Variants in PPM1A observed in about 807,000 individuals in gnomAD.
The protein encoded by PPM1A is protein phosphatase, Mg2+/Mn2+ dependent 1A.
A neutral mutation model predicts 35.0 loss-of-function variants in PPM1A; 7 were observed. The observed-to-expected ratio is 0.20, with a 90% CI of 0.11 to 0.38. PPM1A has a LOEUF of 0.38. Ranked by LOEUF, PPM1A falls within the 10% of genes least tolerant of loss-of-function variation. The pLI is 1.00. For missense variants in PPM1A, 239 were observed against 467.8 expected, an observed-to-expected ratio of 0.51 and a Z score of 4.51; for synonymous variants, 153 against 167.3, an observed-to-expected ratio of 0.91 and a Z score of 0.66.
chr14:60,280,014 T>C (rs752822680), intron 1 of PPM1A, among the ~76,000 whole-genome samples: 1 of 152,242 alleles, frequency 6.6e-6, no homozygotes, highest in African/African-American at 2.4e-5. Context: ...ATATACTTTT[T>C]TTTTTGAGAC....
upstream of PPM1A, among the ~76,000 whole-genome samples, chr14:60,246,588 G>T (rs1368419312): frequency 6.6e-6 from 1 of 152,106 alleles, no homozygotes; most frequent in Non-Finnish European, 1.5e-5. Flanking sequence ...GCCCGGCAAA[G>T]TCTTACAGTT....
rs551209011 is a variant in PPM1A, at chr14:60,281,887, ATG to A, written c.-20-796_-20-795del. Among the ~76,000 whole-genome samples the A allele has an allele frequency of 1.9e-3, 282 of 152,350 alleles. 1 individual carries two copies. Among genetic ancestry groups the A allele is most frequent in the Non-Finnish European group, 3.3e-3 (227 of 68,036 alleles). On this transcript the variant is annotated intron_variant, in intron 1 of 5. Transcript: ENST00000395076. Reference sequence around the variant, plus strand: ...TAATAATGGTACATGTTATTACTATATGATTAATAGATTACTAGTAGTAATTT... The same window carrying A: ...TAATAATGGTACATGTTATTACTATAATTAATAGATTACTAGTAGTAATTT...
intron 1 of PPM1A, among the ~76,000 whole-genome samples, chr14:60,262,359 G>A (rs1343285318): frequency 2.6e-5 from 4 of 152,146 alleles, no homozygotes; most frequent in Non-Finnish European, 5.9e-5. Flanking sequence ...TTTTAGTGCT[G>A]AGGGAAATTG....
At chr14:60,277,205 A>G (rs1351788963) in intron 1 of PPM1A, 1 of 220,624 alleles carries the variant, frequency 4.5e-6, no homozygotes, top group Non-Finnish European at 8.4e-6. Flanking sequence ...GACTAAATAA[A>G]ATACTCTTTA....
At chr14:60,272,392 G>A (rs1885233993) in intron 1 of PPM1A, among the ~76,000 whole-genome samples, 2 of 150,396 alleles carry the variant, frequency 1.3e-5, no homozygotes, top group Admixed American at 1.3e-4. Context: ...GTGTTGGGGG[G>A]ATGAGGGTGG....
intron 2 of PPM1A, among the ~76,000 whole-genome samples, chr14:60,284,722 C>CATAT (rs752315572): frequency 1.5e-4 from 17 of 112,426 alleles, no homozygotes; most frequent in African/African-American, 2.8e-4. Flanking sequence ...TATATATATA[C>CATAT]ATATATATAT....
At chr14:60,274,252 G>A (rs554908281) in intron 1 of PPM1A, among the ~76,000 whole-genome samples, 2 of 152,124 alleles carry the variant, frequency 1.3e-5, no homozygotes, top group Admixed American at 1.3e-4. Context: ...ATGCTTCTGT[G>A]AGCAGTCAAT....
chr14:60,287,346 T>G (rs1159505915), intron 3 of PPM1A: 4 of 983,684 alleles, frequency 4.1e-6, no homozygotes, highest in Non-Finnish European at 4.8e-6. Flanking sequence ...AGTGTTATTA[T>G]ACTTGTACCA....
At chr14:60,275,339 C>T (rs1027302208) in intron 1 of PPM1A, among the ~76,000 whole-genome samples, 1 of 151,886 alleles carries the variant, frequency 6.6e-6, no homozygotes. Context: ...ACTGATGAAC[C>T]AGCTTTGTAA....
chr14:60,253,735 A>G lies in PPM1A; in HGVS notation c.-21+4058A>G, dbSNP rs140204996. Among the ~76,000 whole-genome samples, 298 of 152,286 alleles carry G rather than the reference A, an allele frequency of 2.0e-3. 1 individual carries two copies. The highest frequency in any genetic ancestry group is 6.7e-3 in the African/African-American group (277 of 41,560). On this transcript the variant is annotated intron_variant, in intron 1 of 5. Coordinates refer to ENST00000395076, the MANE Select transcript of PPM1A (RefSeq NM_021003.5). ...TAAACATTTTATGTCTTCAAGTACC[A>G]TTGTTTAGGTTAAGGAATGGAATCC...
chr14:60,265,637 C>G (rs1884285957), intron 1 of PPM1A, among the ~76,000 whole-genome samples: 1 of 152,188 alleles, frequency 6.6e-6, no homozygotes, highest in Admixed American at 6.5e-5. Context: ...CAGAATATCA[C>G]AGACTGGGTA....
At chr14:60,288,390 C>A (rs1887262218) in intron 3 of PPM1A, 2 of 983,396 alleles carry the variant, frequency 2.0e-6, no homozygotes, top group Non-Finnish European at 2.4e-6. Flanking sequence ...ATTGGCTTAG[C>A]GGAGACTGTA....
rs72720112 is a variant in PPM1A, at chr14:60,254,721, C to G, written c.-21+5044C>G. Among the ~76,000 whole-genome samples the G allele has an allele frequency of 3.8e-3, 576 of 152,274 alleles. 2 individuals are homozygous for G. The highest frequency in any genetic ancestry group is 6.1e-3 in the Non-Finnish European group (415 of 68,014). On this transcript the variant is annotated intron_variant, in intron 1 of 5. Transcript: ENST00000395076. ...CCAAGATATTAGCATTCCAACTGGT[C>G]TCTTTCCTGCTAGCATCTTGTACTG...
chr14:60,273,950 AACACCG>A lies in PPM1A; in HGVS notation c.-20-8733_-20-8728del, dbSNP rs1885455706. On this transcript the variant is annotated intron_variant, in intron 1 of 5. Transcript: ENST00000395076. The surrounding 1 kb of genome is among the most constrained non-coding windows in gnomAD (Gnocchi z 4.3). ...CAAGCAGTTGGGACTACAAGTATGC[AACACCG>A]CACCCAGTGAATGTTCTTGGTTTGT... Among the ~76,000 whole-genome samples the A allele has an allele frequency of 6.6e-6, 1 of 152,192 alleles. No individual in the cohort carries two copies. The highest frequency in any genetic ancestry group is 1.5e-5 in the Non-Finnish European group (1 of 68,032).
In PPM1A at chr14:60,249,359, G is replaced by A. The variant is rs1276788821; in HGVS notation, c.-339G>A. 1 of 981,080 alleles carries A rather than the reference G, an allele frequency of 1.0e-6. No individual in the cohort carries two copies. The highest frequency in any genetic ancestry group is 1.2e-6 in the Non-Finnish European group (1 of 827,896). The allele number at this position is 981,080 out of a possible 1,614,324, so 60.8% of individuals were successfully genotyped here. ...TGCTCCGGAACGGGTGGTTGGGGAG[G>A]GGGGGGTGGGGGGACTCTAGACAGC... On this transcript the variant is annotated 5_prime_UTR_variant, in exon 1 of 6. Transcript: ENST00000395076. This position sits in a 1 kb window ranked among gnomAD's most constrained non-coding sequence, Gnocchi z 4.5.
chr14:60,266,070 T>C (rs1029761043), intron 1 of PPM1A, among the ~76,000 whole-genome samples: 1 of 152,160 alleles, frequency 6.6e-6, no homozygotes, highest in Non-Finnish European at 1.5e-5. Flanking sequence ...CAATATTGGG[T>C]GTAATAATTT....
chr14:60,267,324 A>T (rs143451480), intron 1 of PPM1A: 1 of 152,086 alleles, frequency 6.6e-6, no homozygotes, highest in African/African-American at 2.4e-5. Flanking sequence ...AATTTTATCA[A>T]ATCCCTTTCA....
Position 60,292,019 on chromosome 14 carries a change from ATAACT to A in PPM1A, c.1120-430_1120-426del, listed in dbSNP as rs1246743223. On this transcript the variant is annotated intron_variant, in intron 5 of 5. Transcript: ENST00000395076. This position sits in a 1 kb window ranked among gnomAD's most constrained non-coding sequence, Gnocchi z 4.2. ...GTTGTATGATGTTTATAGAAAAGTG[ATAACT>A]TAAAGATCATGTGGGCACAGCTCTG... Among the ~76,000 whole-genome samples, 2 of 152,154 alleles carry A rather than the reference ATAACT, an allele frequency of 1.3e-5. No individual in the cohort carries two copies. The highest frequency in any genetic ancestry group is 2.1e-4 in the South Asian group (1 of 4,834).
chr14:60,292,727 C>T lies in PPM1A; in HGVS notation c.*245C>T, dbSNP rs112135102. 467 of 372,534 alleles carry T rather than the reference C, an allele frequency of 1.3e-3. 2 individuals are homozygous for T. Among genetic ancestry groups the T allele is most frequent in the Admixed American group, 1.8e-3 (41 of 22,546 alleles). The allele number at this position is 372,534 out of a possible 1,614,324, so 23.1% of individuals were successfully genotyped here. On this transcript the variant is annotated 3_prime_UTR_variant, in exon 6 of 6. Coordinates refer to ENST00000395076, the MANE Select transcript of PPM1A (RefSeq NM_021003.5). The surrounding 1 kb of genome is among the most constrained non-coding windows in gnomAD (Gnocchi z 4.2). ...CATAATTCGTGTTGTAAATCAGACT[C>T]CAGCAATTTTTGTTGTATGATTTTG...
Sources: gnomAD v4.1 joint callset for allele counts (sites outside exome capture counted in the v4.1 genomes callset) on GRCh38, gnomAD v4.1.1 for gene constraint, Gnocchi (gnomAD v3.1) non-coding constraint, MANE v1.5 for transcripts, NCBI Gene and HGNC (gene_info 2026-07-23, HGNC 2026-07-21) for gene names.